Variants in SHISA9 observed in about 807,000 individuals in gnomAD.
SHISA9 encodes shisa family member 9, also known as protein shisa-9.
Under a neutral mutation model 38.0 loss-of-function variants are expected in SHISA9, and 13 were observed. That is an observed-to-expected ratio of 0.34 (90% CI 0.22 to 0.54). SHISA9 has a LOEUF of 0.54. SHISA9 is among the 20% of genes least tolerant of loss of function. The pLI is 0.91. For missense variants in SHISA9, 538 were observed against 575.8 expected, an observed-to-expected ratio of 0.93 and a Z score of 0.67; for synonymous variants, 275 against 242.0, an observed-to-expected ratio of 1.14 and a Z score of -1.27.
At chr16:13,270,722 G>C in the SHISA9 span, among the ~76,000 whole-genome samples, 1 of 152,108 alleles carries the variant, frequency 6.6e-6, no homozygotes, top group African/African-American at 2.4e-5. Context: ...ACTTACATAA[G>C]GAAATGATTG....
chr16:13,390,024 T>G, the SHISA9 span, among the ~76,000 whole-genome samples: 1 of 152,188 alleles, frequency 6.6e-6, no homozygotes, highest in African/African-American at 2.4e-5. Flanking sequence ...AACTGACAAG[T>G]GCAAAATATA....
intron 2 of SHISA9, among the ~76,000 whole-genome samples, chr16:13,146,610 T>G (rs1296943868): frequency 6.6e-6 from 1 of 152,210 alleles, no homozygotes; most frequent in Non-Finnish European, 1.5e-5. Flanking sequence ...AAAGCCAACA[T>G]TTATTGAGCC....
the SHISA9 span, among the ~76,000 whole-genome samples, chr16:13,466,327 C>A: frequency 6.6e-6 from 1 of 152,202 alleles, no homozygotes. Context: ...AAATACTGCT[C>A]CGCAATGGCA....
intron 2 of SHISA9, among the ~76,000 whole-genome samples, chr16:13,154,458 A>G (rs764460014): frequency 6.6e-6 from 1 of 152,204 alleles, no homozygotes; most frequent in Non-Finnish European, 1.5e-5. Flanking sequence ...ACAGTTAGCC[A>G]TGTGCTTTTC....
the SHISA9 span, among the ~76,000 whole-genome samples, chr16:13,312,975 G>C: frequency 6.6e-6 from 1 of 152,074 alleles, no homozygotes; most frequent in Non-Finnish European, 1.5e-5. Flanking sequence ...AAAAACCCAG[G>C]CCGGGCGCGG....
the SHISA9 span, among the ~76,000 whole-genome samples, chr16:13,541,922 C>A: frequency 3.9e-5 from 6 of 152,284 alleles, no homozygotes; most frequent in South Asian, 1.0e-3. Context: ...AAATTCATGT[C>A]CAGCCAAGAC....
the SHISA9 span, among the ~76,000 whole-genome samples, chr16:13,486,389 A>G: frequency 6.6e-6 from 1 of 152,214 alleles, no homozygotes; most frequent in Admixed American, 6.5e-5. Context: ...CTTGGCTTCC[A>G]AGAATAATCC....
intron 2 of SHISA9, among the ~76,000 whole-genome samples, chr16:13,167,756 G>A (rs1254588976): frequency 1.3e-5 from 2 of 152,032 alleles, no homozygotes; most frequent in East Asian, 1.9e-4. Flanking sequence ...TTATTTTCCC[G>A]AGGCCTCCCC....
At chr16:13,059,324 T>C (rs188205153) in intron 2 of SHISA9, among the ~76,000 whole-genome samples, 1 of 152,050 alleles carries the variant, frequency 6.6e-6, no homozygotes, top group Non-Finnish European at 1.5e-5. Context: ...AGACGGAGTT[T>C]CACTGTGTTA....
At chr16:12,936,031 G>A (rs188345507) in intron 2 of SHISA9, among the ~76,000 whole-genome samples, 9 of 152,212 alleles carry the variant, frequency 5.9e-5, no homozygotes, top group East Asian at 1.9e-4. Context: ...TGATGAAGCC[G>A]ACTGACAAAT....
chr16:13,118,730 C>T (rs796654656), intron 2 of SHISA9, among the ~76,000 whole-genome samples: 15 of 130,746 alleles, frequency 1.1e-4, no homozygotes, highest in South Asian at 2.4e-4. Context: ...TTTCTTTTTT[C>T]TTTTTTTTTT....
At chr16:13,383,353 A>G in the SHISA9 span, among the ~76,000 whole-genome samples, 1 of 152,248 alleles carries the variant, frequency 6.6e-6, no homozygotes, top group Non-Finnish European at 1.5e-5. Flanking sequence ...ATATGCAGAT[A>G]CTTAAAAAAG....
chr16:13,553,672 TA>T, the SHISA9 span, among the ~76,000 whole-genome samples: 1 of 135,900 alleles, frequency 7.4e-6, no homozygotes, highest in East Asian at 2.0e-4. Context: ...AGCTGCTATT[TA>T]AAAAAAAAGA....
At chr16:13,359,873 G>C in the SHISA9 span, among the ~76,000 whole-genome samples, 1 of 152,192 alleles carries the variant, frequency 6.6e-6, no homozygotes, top group African/African-American at 2.4e-5. Flanking sequence ...TTTGCAGATA[G>C]GCAGCAAAGG....
chr16:13,456,152 C>T, the SHISA9 span, among the ~76,000 whole-genome samples: 13 of 152,190 alleles, frequency 8.5e-5, no homozygotes. Flanking sequence ...GCTAGTGACT[C>T]CTCTTTGCCA....
intron 2 of SHISA9, among the ~76,000 whole-genome samples, chr16:12,979,733 G>C (rs897145039): frequency 6.6e-6 from 1 of 151,760 alleles, no homozygotes; most frequent in Admixed American, 6.6e-5. Context: ...TGGTACATTT[G>C]TTTTGACTGC....
chr16:13,188,529 G>A (rs890248205), intron 2 of SHISA9, among the ~76,000 whole-genome samples: 2 of 151,926 alleles, frequency 1.3e-5, no homozygotes, highest in Admixed American at 6.6e-5. Context: ...ACCAGCCTTG[G>A]AAACACAGCA....
intron 2 of SHISA9, among the ~76,000 whole-genome samples, chr16:12,984,905 A>G (rs1271331270): frequency 6.6e-6 from 1 of 152,164 alleles, no homozygotes; most frequent in Non-Finnish European, 1.5e-5. Flanking sequence ...TCTTGCCTCC[A>G]GTTGGAACAA....
chr16:13,377,198 G>C, the SHISA9 span, among the ~76,000 whole-genome samples: 1 of 152,128 alleles, frequency 6.6e-6, no homozygotes, highest in Non-Finnish European at 1.5e-5. Context: ...ATTCCATCAT[G>C]GACCACAATA....
Sources: allele counts gnomAD v4.1 joint callset (sites outside exome capture counted in the v4.1 genomes callset), GRCh38; gene constraint gnomAD v4.1.1; transcripts MANE v1.5; gene names NCBI Gene and HGNC (gene_info 2026-07-23, HGNC 2026-07-21).